KLRD1: variants seen among roughly 807,000 people sequenced by gnomAD.
The protein encoded by KLRD1 is killer cell lectin like receptor D1.
In KLRD1, 21 loss-of-function variants were observed where a neutral mutation model predicts 22.6. The ratio of observed to expected loss-of-function variants is 0.93; its 90% CI spans 0.66 to 1.34. KLRD1 has a LOEUF of 1.34. KLRD1 is among the 40% of genes most tolerant of loss of function. The pLI is 0.00. For missense variants in KLRD1, 183 were observed against 208.6 expected, an observed-to-expected ratio of 0.88 and a Z score of 0.76; for synonymous variants, 59 against 71.1, an observed-to-expected ratio of 0.83 and a Z score of 0.85.
At chr12:10,290,962 A>G (rs1288970724) in intron 1 of KLRD1, among the ~76,000 whole-genome samples, 1 of 152,226 alleles carries the variant, frequency 6.6e-6, no homozygotes, top group East Asian at 1.9e-4. Context: ...TATGTAAAAT[A>G]TAGGCATACC....
At chr12:10,307,041 G>A (rs975719690), upstream of KLRD1, among the ~76,000 whole-genome samples, 6 of 152,198 alleles carry the variant, frequency 3.9e-5, no homozygotes, top group Non-Finnish European at 7.4e-5. Context: ...ATCATGGATC[G>A]AAATCTCTCC....
chr12:10,239,989 T>C (rs915588079), intron 1 of KLRD1, among the ~76,000 whole-genome samples: 1 of 152,220 alleles, frequency 6.6e-6, no homozygotes, highest in Admixed American at 6.5e-5. Flanking sequence ...GGTTTCACCA[T>C]AGTAATCTGC....
In KLRD1 at chr12:10,324,667, A is replaced by G. The variant is rs1950342633; in HGVS notation, c.*9874A>G. Reference sequence around the variant, plus strand: ...CAATATACTTAAGTTATACTCAGTAATGTTTTGTAGTTTTTAATATTCAGG... The same window carrying G: ...CAATATACTTAAGTTATACTCAGTAGTGTTTTGTAGTTTTTAATATTCAGG... On this transcript the variant is annotated 3_prime_UTR_variant, in exon 6 of 6. Transcript: ENST00000336164. 1.3e-5 allele frequency: 2 copies of G among 151,396 alleles called. No homozygotes were observed. The highest frequency in any genetic ancestry group is 4.8e-5 in the African/African-American group (2 of 41,308). The allele number at this position is 151,396 out of a possible 1,614,324, so 9.4% of individuals were successfully genotyped here.
intron 1 of KLRD1, among the ~76,000 whole-genome samples, chr12:10,260,321 C>G (rs76322720): frequency 0.026 from 3,882 of 151,904 alleles, 159 homozygotes; most frequent in African/African-American, 0.09. Context: ...GCTTCTCTTC[C>G]TACCTGTAAG....
chr12:10,319,008 G>A lies in KLRD1; in HGVS notation c.*4215G>A, dbSNP rs569762421. Reference sequence around the variant, plus strand: ...GGGGTTGAAAAACTTTTCTCAAAAAGCTCTATAGCATATATTTTCAACTTT... The same window carrying A: ...GGGGTTGAAAAACTTTTCTCAAAAAACTCTATAGCATATATTTTCAACTTT... On this transcript the variant is annotated 3_prime_UTR_variant, in exon 6 of 6. Transcript: ENST00000336164. 1 of 152,198 alleles carries A rather than the reference G, an allele frequency of 6.6e-6. No homozygotes were observed. Among genetic ancestry groups the A allele is most frequent in the Admixed American group, 6.5e-5 (1 of 15,292 alleles). 9.4% of individuals were successfully genotyped at this position (152,198 alleles called of 1,614,324 possible).
chr12:10,284,798 G>A (rs1375609514), intron 1 of KLRD1, among the ~76,000 whole-genome samples: 2 of 151,998 alleles, frequency 1.3e-5, no homozygotes, highest in East Asian at 1.9e-4. Flanking sequence ...CAGCCTCAAC[G>A]TGGAGAAATC....
In KLRD1 at chr12:10,248,931, T is replaced by C. The variant is rs554004049; in HGVS notation, c.-101+22698T>C. Among the ~76,000 whole-genome samples the C allele has an allele frequency of 2.6e-5, 4 of 152,180 alleles. No individual in the cohort carries two copies. In the East Asian group the frequency reaches 5.8e-4, roughly 22 times the overall value. On this transcript the variant is annotated intron_variant, in intron 1 of 5. Transcript: ENST00000544747. ...ACTTTCCGCTTGATGATTGCACTTT[T>C]TGTTTTCTTTGAATCATATGCTTAG...
At chr12:10,262,402 T>C (rs779253263) in intron 1 of KLRD1, among the ~76,000 whole-genome samples, 3 of 152,126 alleles carry the variant, frequency 2.0e-5, no homozygotes, top group Non-Finnish European at 4.4e-5. Flanking sequence ...CAGTGAATTA[T>C]AATTTTTGCA....
intron 1 of KLRD1, among the ~76,000 whole-genome samples, chr12:10,279,557 T>C (rs1949622038): frequency 6.6e-6 from 1 of 152,222 alleles, no homozygotes; most frequent in South Asian, 2.1e-4. Context: ...TCAGGGGTTT[T>C]CTTTATATGC....
chr12:10,312,668 G>A (rs1301627499), intron 4 of KLRD1, among the ~76,000 whole-genome samples: 2 of 149,936 alleles, frequency 1.3e-5, no homozygotes, highest in Admixed American at 1.3e-4. Flanking sequence ...GTGAGCCACC[G>A]TGCCCGGCCC....
chr12:10,246,404 A>G (rs1464754637), intron 1 of KLRD1, among the ~76,000 whole-genome samples: 1 of 152,178 alleles, frequency 6.6e-6, no homozygotes, highest in African/African-American at 2.4e-5. Flanking sequence ...TGATAATGCA[A>G]TGTAATAAAT....
chr12:10,292,080 G>A (rs929580585), intron 1 of KLRD1, among the ~76,000 whole-genome samples: 2 of 152,140 alleles, frequency 1.3e-5, no homozygotes, highest in Admixed American at 6.5e-5. Flanking sequence ...CTTTGCGATT[G>A]TAAATAGTGA....
chr12:10,260,656 T>C (rs1389687128), intron 1 of KLRD1, among the ~76,000 whole-genome samples: 1 of 151,378 alleles, frequency 6.6e-6, no homozygotes, highest in African/African-American at 2.4e-5. Flanking sequence ...CAAAAAAAAA[T>C]TGGGCTGGGC....
intron 4 of KLRD1, 34 bp from the exon 5 acceptor site, chr12:10,313,376 T>A: frequency 8.0e-7 from 1 of 1,257,254 alleles, no homozygotes; most frequent in East Asian, 2.4e-5. Flanking sequence ...TAGATTAAAA[T>A]TAGATTAATG....
At position 10,309,640 on chromosome 12, in the gene KLRD1, A is replaced by G; in HGVS notation, c.115A>G (p.Ser39Gly). 1 of 1,612,394 alleles carries G rather than the reference A, an allele frequency of 6.2e-7. No individual in the cohort carries two copies. The highest frequency in any genetic ancestry group is 8.5e-7 in the Non-Finnish European group (1 of 1,178,556). Residue 39 changes from serine (S) to glycine (G), a missense_variant, in exon 3 of 6, where the codon AGT becomes GGT. Coordinates refer to ENST00000336164, the MANE Select transcript of KLRD1 (RefSeq NM_002262.5). The stretch of plus-strand genomic sequence containing the variant: ...ATTTCTTATAGCTTTTACTAAACTG[A>G]GTATTGAGCCAGCATTTACTCCAGG... ...ILLKNSFTKL[S>G]IEPAFTPGPN...
At chr12:10,285,543 C>A (rs142673039) in intron 1 of KLRD1, among the ~76,000 whole-genome samples, 113 of 152,260 alleles carry the variant, frequency 7.4e-4, no homozygotes, top group African/African-American at 2.2e-3. Context: ...TCAATAGTCA[C>A]CAGGATAATT....
chr12:10,247,675 A>G (rs1949304895), intron 1 of KLRD1, among the ~76,000 whole-genome samples: 3 of 152,144 alleles, frequency 2.0e-5, no homozygotes, highest in Admixed American at 2.0e-4. Context: ...CCCACATGTC[A>G]TGGGAGGGAC....
intron 1 of KLRD1, among the ~76,000 whole-genome samples, chr12:10,280,304 A>C (rs1949627869): frequency 6.6e-6 from 1 of 152,218 alleles, no homozygotes; most frequent in Admixed American, 6.5e-5. Context: ...TTCTGAAGAA[A>C]AAATTCAACA....
chr12:10,245,117 G>T (rs1234174114), intron 1 of KLRD1, among the ~76,000 whole-genome samples: 2 of 151,986 alleles, frequency 1.3e-5, no homozygotes, highest in African/African-American at 4.8e-5. Context: ...CAGCACTTTG[G>T]GAGGCCAAGG....
Sources: allele counts gnomAD v4.1 joint callset (sites outside exome capture counted in the v4.1 genomes callset), GRCh38; gene constraint gnomAD v4.1.1; transcripts MANE v1.5; gene names NCBI Gene and HGNC (gene_info 2026-07-23, HGNC 2026-07-21).